Variants in CLSTN2 observed in about 807,000 individuals in gnomAD.
CLSTN2 encodes the protein calsyntenin-2.
CLSTN2 carries 48 observed loss-of-function variants against 101.2 expected under a neutral mutation model. The ratio of observed to expected loss-of-function variants is 0.47; its 90% CI spans 0.38 to 0.60. The LOEUF (loss-of-function observed/expected upper bound fraction) is 0.60, where lower values mean the gene tolerates loss of function less well. Ranked by LOEUF, CLSTN2 falls within the 20% of genes least tolerant of loss-of-function variation. The pLI is 0.00. For missense variants in CLSTN2, 1,160 were observed against 1,238.2 expected (o/e 0.94, Z 0.95); for synonymous variants, 481 against 463.6 (o/e 1.04, Z -0.48).
At chr3:140,194,136 A>T (rs1321101191) in intron 2 of CLSTN2, among the ~76,000 whole-genome samples, 1 of 152,152 alleles carries the variant, frequency 6.6e-6, no homozygotes, top group Non-Finnish European at 1.5e-5. Context: ...GGGTGCTAGA[A>T]CAGAATACCA....
In CLSTN2 at chr3:140,495,950, C is replaced by CT. The variant is rs1934456939; in HGVS notation, c.1344+29225dup. Among the ~76,000 whole-genome samples, 4 of 152,138 alleles carry CT rather than the reference C, an allele frequency of 2.6e-5. No homozygotes were observed. In the South Asian group the frequency reaches 8.3e-4, roughly 32 times the overall value. On this transcript the variant is annotated intron_variant, in intron 8 of 16. Coordinates refer to ENST00000458420, the MANE Select transcript of CLSTN2 (RefSeq NM_022131.3). The stretch of plus-strand genomic sequence containing the variant: ...TAGGATCGTCTTGGCTATTCAGGCT[C>CT]TTTTTTGGCTCCATATGAATTTTAA...
In CLSTN2 at chr3:140,448,603, C is replaced by G. The variant is rs765887571; in HGVS notation, c.872C>G (p.Ala291Gly). 1 of 1,614,098 alleles carries G rather than the reference C, an allele frequency of 6.2e-7. No individual in the cohort carries two copies. Among genetic ancestry groups the G allele is most frequent in the East Asian group, 2.2e-5 (1 of 44,872 alleles). ...PSIHLETCDG[A>G]VSSLQIVTEL... ...ATCCACCTGGAGACGTGCGATGGAG[C>G]CGTGTCTTCCCTCCAGATCGTCACA... Residue 291 changes from alanine to glycine, a missense_variant, in exon 6 of 17, where the codon GCC (alanine) becomes GGC (glycine). By Grantham distance (60) the Ala-to-Gly change is moderately conservative. Transcript: ENST00000458420.
At chr3:140,432,004 A>T (rs347334) in intron 5 of CLSTN2, among the ~76,000 whole-genome samples, 81,026 of 152,114 alleles carry the variant, frequency 0.53, 22,342 homozygotes, top group East Asian at 0.92. Context: ...ATCATGCAAA[A>T]GAAAACACAC....
intron 1 of CLSTN2, among the ~76,000 whole-genome samples, chr3:140,053,426 G>C (rs555305201): frequency 6.6e-6 from 1 of 152,202 alleles, no homozygotes; most frequent in African/African-American, 2.4e-5. Flanking sequence ...GGTGGGGACA[G>C]AGGTCAGAGT....
At chr3:140,529,506 A>G (rs1000143393) in intron 8 of CLSTN2, among the ~76,000 whole-genome samples, 23 of 152,214 alleles carry the variant, frequency 1.5e-4, no homozygotes, top group Non-Finnish European at 3.4e-4. Flanking sequence ...TCTTGGTTGA[A>G]CTATGCATTG....
intron 16 of CLSTN2, among the ~76,000 whole-genome samples, chr3:140,565,432 G>A (rs1936007123): frequency 6.6e-6 from 1 of 152,104 alleles, no homozygotes; most frequent in Non-Finnish European, 1.5e-5. Flanking sequence ...AATTTTGCTG[G>A]AATTATCCAA....
At chr3:139,967,246 T>C (rs1935616221) in intron 1 of CLSTN2, among the ~76,000 whole-genome samples, 1 of 152,148 alleles carries the variant, frequency 6.6e-6, no homozygotes, top group African/African-American at 2.4e-5. Flanking sequence ...GGTCTGTACA[T>C]GGGTGGGAGG....
chr3:140,259,436 T>G (rs1443602284), intron 2 of CLSTN2, among the ~76,000 whole-genome samples: 2 of 152,036 alleles, frequency 1.3e-5, no homozygotes. Context: ...ATTGCGCCAT[T>G]GCACTCCAAC....
intron 5 of CLSTN2, among the ~76,000 whole-genome samples, chr3:140,447,473 C>T (rs1160775093): frequency 1.3e-5 from 2 of 152,214 alleles, no homozygotes; most frequent in Non-Finnish European, 2.9e-5. Context: ...TTCCTGTGTA[C>T]ATTCACTTGT....
rs1357014034 is a variant in CLSTN2, at chr3:140,574,313, G to C, written c.*8060G>C. 1 of 152,230 alleles carries C rather than the reference G, an allele frequency of 6.6e-6. No homozygotes were observed. Among genetic ancestry groups the C allele is most frequent in the African/African-American group, 2.4e-5 (1 of 41,450 alleles). The allele number at this position is 152,230 out of a possible 1,614,324, so 9.4% of individuals were successfully genotyped here. A position where few individuals can be genotyped will look rare whatever the true frequency, so the allele number is the denominator to read the frequency against. On this transcript the variant is annotated 3_prime_UTR_variant, in exon 17 of 17. Transcript: ENST00000458420. The stretch of plus-strand genomic sequence containing the variant: ...GATGCACGTGGGAGAAAACAGGAGT[G>C]GGGTTGTTTGGGGACTACCCCTTCC...
At chr3:139,983,565 A>G (rs1471992007) in intron 1 of CLSTN2, among the ~76,000 whole-genome samples, 1 of 152,178 alleles carries the variant, frequency 6.6e-6, no homozygotes, top group Non-Finnish European at 1.5e-5. Context: ...TTTCATAGTA[A>G]TAACACTGCT....
At chr3:140,423,845 A>T (rs758005990) in intron 5 of CLSTN2, among the ~76,000 whole-genome samples, 1 of 152,140 alleles carries the variant, frequency 6.6e-6, no homozygotes, top group Non-Finnish European at 1.5e-5. Flanking sequence ...CTATCTAAAG[A>T]AAGTTCAAAT....
At chr3:140,447,427 T>C (rs1230256048) in intron 5 of CLSTN2, among the ~76,000 whole-genome samples, 2 of 152,240 alleles carry the variant, frequency 1.3e-5, no homozygotes, top group African/African-American at 4.8e-5. Context: ...GAGTCCGCTC[T>C]GACTTTTCAG....
intron 2 of CLSTN2, among the ~76,000 whole-genome samples, chr3:140,356,485 C>A (rs556894386): frequency 1.1e-4 from 17 of 152,018 alleles, no homozygotes; most frequent in African/African-American, 4.1e-4. Flanking sequence ...CAGGGCTGGG[C>A]GCGGTGGCTC....
At position 140,240,134 on chromosome 3, in the gene CLSTN2, T is replaced by TTCTCTCTCTCTC. The variant is rs1370229338; in HGVS notation, c.232+64067_232+64078dup. Among the ~76,000 whole-genome samples the TTCTCTCTCTCTC allele has an allele frequency of 8.0e-3, 164 of 20,458 alleles. 58 individuals are homozygous for TTCTCTCTCTCTC. Among genetic ancestry groups the TTCTCTCTCTCTC allele is most frequent in the East Asian group, 0.022 (6 of 276 alleles). 13.4% of individuals were successfully genotyped at this position (20,458 alleles called of 152,430 possible). On this transcript the variant is annotated intron_variant, in intron 2 of 16. Transcript: ENST00000458420. ...AAGCTATACCTTAATTGCACCTGGTTTCTCTCTCTCTCTCTCTGTCTCTCT... is the reference window on the plus strand; with the variant it reads ...AAGCTATACCTTAATTGCACCTGGTTTCTCTCTCTCTCTCTCTCTCTCTCTCTCTGTCTCTCT...
At chr3:140,236,955 T>A (rs890117536) in intron 2 of CLSTN2, among the ~76,000 whole-genome samples, 1 of 152,172 alleles carries the variant, frequency 6.6e-6, no homozygotes, top group Admixed American at 6.5e-5. Flanking sequence ...TTAATGTTTT[T>A]ATCTATTAAT....
At chr3:140,162,402 G>A (rs571302090) in intron 1 of CLSTN2, among the ~76,000 whole-genome samples, 1 of 152,154 alleles carries the variant, frequency 6.6e-6, no homozygotes, top group Middle Eastern at 3.2e-3. Context: ...GGAGGACAAG[G>A]AGAGGGACTT....
rs145027191 is a variant in CLSTN2 at position 139,973,794 on chromosome 3, A to G, written c.109+38311A>G. On this transcript the variant is annotated intron_variant, in intron 1 of 16. Coordinates refer to ENST00000458420, the MANE Select transcript of CLSTN2 (RefSeq NM_022131.3). Reference sequence around the variant, plus strand: ...GCTGCAACTACAGATGTGTGCCACCATGCCCAGCTAAATTTTTAATATATT... The same window carrying G: ...GCTGCAACTACAGATGTGTGCCACCGTGCCCAGCTAAATTTTTAATATATT... 2.6e-3 allele frequency among the ~76,000 whole-genome samples: 393 copies of G among 152,158 alleles called. 1 individual carries two copies. Among genetic ancestry groups the G allele is most frequent in the African/African-American group, 9.1e-3 (377 of 41,502 alleles).
intron 1 of CLSTN2, among the ~76,000 whole-genome samples, chr3:139,993,060 C>G (rs1041917951): frequency 2.6e-5 from 4 of 152,264 alleles, no homozygotes; most frequent in South Asian, 2.1e-4. Flanking sequence ...TTGGTCAATG[C>G]GTGAGATCTT....
Sources: gnomAD v4.1 joint callset for allele counts (sites outside exome capture counted in the v4.1 genomes callset) on GRCh38, gnomAD v4.1.1 for gene constraint, MANE v1.5 for transcripts, NCBI Gene and HGNC (gene_info 2026-07-23, HGNC 2026-07-21) for gene names.